Variants in ACVR2B observed in about 807,000 individuals in gnomAD.
The protein encoded by ACVR2B is activin receptor type-2B.
ACVR2B carries 18 observed loss-of-function variants against 65.1 expected under a neutral mutation model. That is an observed-to-expected ratio of 0.28 (90% CI 0.19 to 0.41). ACVR2B has a LOEUF of 0.41. ACVR2B is among the 10% of genes least tolerant of loss of function. The pLI is 1.00. For synonymous variants in ACVR2B, 298 were observed against 277.7 expected (o/e 1.07, Z -0.73); for missense variants, 482 against 682.7 (o/e 0.71, Z 3.28).
Position 38,477,558 on chromosome 3 carries a change from A to G in ACVR2B, c.260+64A>G. On this transcript the variant is annotated intron_variant, in intron 2 of 10. Coordinates refer to ENST00000352511, the MANE Select transcript of ACVR2B (RefSeq NM_001106.4). The surrounding 1 kb of genome is among the most constrained non-coding windows in gnomAD (Gnocchi z 6.7). ...CTGCGCTTATACTGCCCACTGGGCC[A>G]TTTGGGTCTCAGGATGTCTGAGTGG... The G allele has an allele frequency of 6.4e-6, 10 of 1,556,768 alleles. No individual in the cohort carries two copies. The South Asian group carries it at 8.1e-5, about 13-fold the overall frequency.
intron 6 of ACVR2B, 74 bp downstream of exon 6, chr3:38,479,345 A>T: frequency 1.9e-6 from 3 of 1,605,942 alleles, no homozygotes; most frequent in Non-Finnish European, 2.6e-6. Flanking sequence ...TAATATGATG[A>T]CCCCTTCCCT....
intron 1 of ACVR2B, chr3:38,476,839 C>G: frequency 3.9e-6 from 1 of 254,046 alleles, no homozygotes; most frequent in South Asian, 5.9e-5. Context: ...CTTTCCCACA[C>G]CTGCAACATA....
intron 6 of ACVR2B, 25 bp from the exon 7 acceptor site, chr3:38,479,653 C>G: frequency 1.9e-6 from 3 of 1,613,828 alleles, no homozygotes; most frequent in Non-Finnish European, 2.5e-6. Flanking sequence ...AATCTGTGCT[C>G]AAGTTCTGTG....
intron 8 of ACVR2B, 103 bp from the exon 9 acceptor site, chr3:38,482,091 GCTCT>G: frequency 1.4e-6 from 2 of 1,456,698 alleles, no homozygotes; most frequent in Non-Finnish European, 1.9e-6. Context: ...TGTCTGAATT[GCTCT>G]GTCTTGCCCG....
Position 38,481,600 on chromosome 3 carries a change from G to A in ACVR2B, c.1074+135G>A, listed in dbSNP as rs1188373798. ...GAGCTGTCTGAGAACTTAGAGCAAT[G>A]CTCTTGTTTGACCAGTGGAGAAACC... On this transcript the variant is annotated intron_variant, in intron 8 of 10. Coordinates refer to ENST00000352511, the MANE Select transcript of ACVR2B (RefSeq NM_001106.4). The surrounding 1 kb of genome is among the most constrained non-coding windows in gnomAD (Gnocchi z 4.7). 1 of 744,966 alleles carries A rather than the reference G, an allele frequency of 1.3e-6. No homozygotes were observed. The highest frequency in any genetic ancestry group is 1.7e-5 in the African/African-American group (1 of 58,100). The allele number at this position is 744,966 out of a possible 1,614,324, so 46.1% of individuals were successfully genotyped here.
In ACVR2B at chr3:38,484,583, C is replaced by T. The variant is rs886058392; in HGVS notation, c.*1251C>T. 3.3e-5 allele frequency: 5 copies of T among 152,594 alleles called. No homozygotes were observed. Among genetic ancestry groups the T allele is most frequent in the Non-Finnish European group, 7.3e-5 (5 of 68,040 alleles). The allele number at this position is 152,594 out of a possible 1,614,324, so 9.5% of individuals were successfully genotyped here. A position where few individuals can be genotyped will look rare whatever the true frequency, so the allele number is the denominator to read the frequency against. On this transcript the variant is annotated 3_prime_UTR_variant, in exon 11 of 11. Transcript: ENST00000352511. ...AAACTGTTTTTCTATTATGCCATAA[C>T]CTTGCTCTAGTCAGTGAATGTTCCT...
intron 1 of ACVR2B, among the ~76,000 whole-genome samples, chr3:38,470,293 A>G (rs1709797972): frequency 6.6e-6 from 1 of 152,242 alleles, no homozygotes; most frequent in Non-Finnish European, 1.5e-5. Flanking sequence ...CATACCTTGT[A>G]GTGAAACTGC....
In ACVR2B at chr3:38,458,210, T is replaced by C. The variant is rs564611853; in HGVS notation, c.52+3836T>C. On this transcript the variant is annotated intron_variant, in intron 1 of 10. Coordinates refer to ENST00000352511, the MANE Select transcript of ACVR2B (RefSeq NM_001106.4). Reference sequence around the variant, plus strand: ...TCTCCAGAAGCACCTGGACCTCTGCTGGCACTTCACCTAAGGAACTCCTGT... The same window carrying C: ...TCTCCAGAAGCACCTGGACCTCTGCCGGCACTTCACCTAAGGAACTCCTGT... 2.6e-5 allele frequency among the ~76,000 whole-genome samples: 4 copies of C among 152,330 alleles called. No homozygotes were observed. The South Asian group carries it at 8.3e-4, about 32-fold the overall frequency.
At chr3:38,462,193 CAAAAT>C (rs1392996149) in intron 1 of ACVR2B, among the ~76,000 whole-genome samples, 1 of 151,456 alleles carries the variant, frequency 6.6e-6, no homozygotes, top group Non-Finnish European at 1.5e-5. Context: ...GACTCCATCT[CAAAAT>C]AAATAAATAA....
chr3:38,466,801 C>T (rs1709738029), intron 1 of ACVR2B, among the ~76,000 whole-genome samples: 1 of 152,102 alleles, frequency 6.6e-6, no homozygotes, highest in African/African-American at 2.4e-5. Flanking sequence ...CCACGCCCGG[C>T]CTACAAAACT....
intron 6 of ACVR2B, 130 bp downstream of exon 6, chr3:38,479,401 A>C: frequency 5.1e-6 from 7 of 1,383,758 alleles, no homozygotes; most frequent in Non-Finnish European, 7.1e-6. Flanking sequence ...AGCACTATCC[A>C]CTATGGGGTT....
In ACVR2B at chr3:38,480,048, G is replaced by A. The variant is rs140315777; in HGVS notation, c.959+222G>A. ...TGGTGCCCTCTAATGGCCACATGAAGTGCTGACTCCATTACTTTGGTTGGA... is the reference window on the plus strand; with the variant it reads ...TGGTGCCCTCTAATGGCCACATGAAATGCTGACTCCATTACTTTGGTTGGA... On this transcript the variant is annotated intron_variant, in intron 7 of 10. Transcript: ENST00000352511. 3.2e-3 allele frequency among the ~76,000 whole-genome samples: 491 copies of A among 152,298 alleles called. 4 individuals carry two copies. The highest frequency in any genetic ancestry group is 4.4e-3 in the East Asian group (23 of 5,176).
chr3:38,469,433 A>T (rs1218327445), intron 1 of ACVR2B, among the ~76,000 whole-genome samples: 1 of 152,142 alleles, frequency 6.6e-6, no homozygotes, highest in Non-Finnish European at 1.5e-5. Flanking sequence ...GTTGTGTTAT[A>T]CCTTCAGTAA....
At position 38,482,642 on chromosome 3, in the gene ACVR2B, G is replaced by A. The variant is rs558456504; in HGVS notation, c.1344+82G>A. ...TGTGTAGCAGGTAAGCTGAAATCAA[G>A]GGGGAATGGGCAAATAGAAAGTCTG... On this transcript the variant is annotated intron_variant, in intron 10 of 10. Coordinates refer to ENST00000352511, the MANE Select transcript of ACVR2B (RefSeq NM_001106.4). 33 of 1,557,118 alleles carry A rather than the reference G, an allele frequency of 2.1e-5. No homozygotes were observed. The East Asian group carries it at 7.0e-4, about 33-fold the overall frequency.
intron 1 of ACVR2B, among the ~76,000 whole-genome samples, chr3:38,457,802 T>C (rs1004237341): frequency 1.3e-5 from 2 of 152,190 alleles, no homozygotes; most frequent in Admixed American, 6.5e-5. Context: ...GGCCACTTCC[T>C]TGGGGGAGGG....
Position 38,465,069 on chromosome 3 carries a change from C to CCAT in ACVR2B, c.52+10696_52+10697insATC, listed in dbSNP as rs769579915. On this transcript the variant is annotated intron_variant, in intron 1 of 10. Coordinates refer to ENST00000352511, the MANE Select transcript of ACVR2B (RefSeq NM_001106.4). The stretch of plus-strand genomic sequence containing the variant: ...TCACAGTTGAAACCAACCTGGATGA[C>CCAT]CTCCAGGTTGGAGTTGCCATATACA... 5.9e-5 allele frequency among the ~76,000 whole-genome samples: 9 copies of CCAT among 152,096 alleles called. 1 individual carries two copies. The East Asian group carries it at 1.5e-3, about 26-fold the overall frequency.
At position 38,477,614 on chromosome 3, in the gene ACVR2B, A is replaced by T. The variant is rs1709934942; in HGVS notation, c.260+120A>T. ...AAAGGACCAAGAAGGGGCTCTTGAG[A>T]TGGTAGCCATGGCCCCACGCCCTTC... On this transcript the variant is annotated intron_variant, in intron 2 of 10. Transcript: ENST00000352511. This position sits in a 1 kb window ranked among gnomAD's most constrained non-coding sequence, Gnocchi z 6.7. The T allele has an allele frequency of 8.0e-7, 1 of 1,245,220 alleles. No homozygotes were observed. Among genetic ancestry groups the T allele is most frequent in the East Asian group, 2.5e-5 (1 of 39,592 alleles). 77.1% of individuals were successfully genotyped at this position (1,245,220 alleles called of 1,614,324 possible).
rs2125732784 is a variant in ACVR2B, at chr3:38,490,959, T to C, written c.*7627T>C. On this transcript the variant is annotated 3_prime_UTR_variant, in exon 11 of 11. Coordinates refer to ENST00000352511, the MANE Select transcript of ACVR2B (RefSeq NM_001106.4). ...TGTCTGAATAGGCAAAGCGATTTAATTGGCTGGTCTTGCACGCAAATTAGT... is the reference window on the plus strand; with the variant it reads ...TGTCTGAATAGGCAAAGCGATTTAACTGGCTGGTCTTGCACGCAAATTAGT... The C allele has an allele frequency of 1.3e-5, 2 of 152,784 alleles. No individual in the cohort carries two copies. The highest frequency in any genetic ancestry group is 1.3e-4 in the Admixed American group (2 of 15,310). The allele number at this position is 152,784 out of a possible 1,614,324, so 9.5% of individuals were successfully genotyped here.
At chr3:38,467,224 G>C (rs998886541) in intron 1 of ACVR2B, among the ~76,000 whole-genome samples, 3 of 152,174 alleles carry the variant, frequency 2.0e-5, no homozygotes, top group African/African-American at 7.2e-5. Context: ...GAGGTGGGCG[G>C]ATAACCTGAG....
Sources: gnomAD v4.1 joint callset for allele counts (sites outside exome capture counted in the v4.1 genomes callset) on GRCh38, gnomAD v4.1.1 for gene constraint, Gnocchi (gnomAD v3.1) non-coding constraint, MANE v1.5 for transcripts, NCBI Gene and HGNC (gene_info 2026-07-23, HGNC 2026-07-21) for gene names.